KIAA1217: variants seen among roughly 807,000 people sequenced by gnomAD.
The protein encoded by KIAA1217 is sickle tail protein homolog.
In KIAA1217, 88 loss-of-function variants were observed where a neutral mutation model predicts 163.9. The observed-to-expected ratio is 0.54, with a 90% CI of 0.45 to 0.64. The LOEUF (loss-of-function observed/expected upper bound fraction) is 0.64, where lower values mean the gene tolerates loss of function less well. Ranked by LOEUF, KIAA1217 falls within the 30% of genes least tolerant of loss-of-function variation. The probability of loss-of-function intolerance (pLI) is 0.00; values close to 1 mark genes in which losing one functional copy is unlikely to be tolerated. For missense variants in KIAA1217, 2,372 were observed against 2,475.0 expected, an observed-to-expected ratio of 0.96 and a Z score of 0.88; for synonymous variants, 903 against 923.1, an observed-to-expected ratio of 0.98 and a Z score of 0.39.
intron 1 of KIAA1217, among the ~76,000 whole-genome samples, chr10:23,771,788 A>G (rs1834806620): frequency 6.6e-6 from 1 of 152,200 alleles, no homozygotes; most frequent in Non-Finnish European, 1.5e-5. Flanking sequence ...CTAGAAATCA[A>G]TCATATGCAA....
intron 5 of KIAA1217, among the ~76,000 whole-genome samples, chr10:24,467,831 T>C (rs1256109366): frequency 6.6e-6 from 1 of 151,896 alleles, no homozygotes; most frequent in African/African-American, 2.4e-5. Context: ...TGTGTGTGTG[T>C]GTGTGTGTTG....
At chr10:23,908,758 G>T (rs1461052832) in intron 1 of KIAA1217, among the ~76,000 whole-genome samples, 1 of 152,100 alleles carries the variant, frequency 6.6e-6, no homozygotes, top group African/African-American at 2.4e-5. Flanking sequence ...ATAGATGTTG[G>T]CATGCATGCG....
intron 6 of KIAA1217, among the ~76,000 whole-genome samples, chr10:24,480,334 C>A (rs2064519952): frequency 6.6e-6 from 1 of 152,242 alleles, no homozygotes. Flanking sequence ...ATTCTGCCCT[C>A]CTCCTCGTGA....
intron 1 of KIAA1217, among the ~76,000 whole-genome samples, chr10:23,855,934 A>C (rs1480118559): frequency 6.6e-6 from 1 of 152,134 alleles, no homozygotes; most frequent in Non-Finnish European, 1.5e-5. Context: ...CAAAGTTTTT[A>C]ACTTCTTTGC....
intron 2 of KIAA1217, among the ~76,000 whole-genome samples, chr10:24,278,056 G>A (rs575901928): frequency 1.6e-4 from 25 of 152,318 alleles, no homozygotes; most frequent in South Asian, 1.0e-3. Flanking sequence ...CGTCATGGGT[G>A]AGATGCTGTG....
At position 23,699,393 on chromosome 10, in the gene KIAA1217, C is replaced by T. The variant is rs193198802; in HGVS notation, c.-321+4159C>T. 4.6e-3 allele frequency among the ~76,000 whole-genome samples: 694 copies of T among 152,156 alleles called. 6 individuals are homozygous for T. The highest frequency in any genetic ancestry group is 0.014 in the African/African-American group (589 of 41,536). ...GATGAGGGAACTTGGGCCCAGAAAA[C>T]GTTCTGTAGTTTTCATGACACAGCC... On this transcript the variant is annotated intron_variant, in intron 1 of 18. Coordinates refer to the KIAA1217 transcript ENST00000376462.
intron 2 of KIAA1217, among the ~76,000 whole-genome samples, chr10:24,288,965 G>T (rs1263978086): frequency 1.3e-5 from 2 of 152,198 alleles, no homozygotes; most frequent in Non-Finnish European, 2.9e-5. Flanking sequence ...GCTGCTTCTA[G>T]ATGCCCTGCA....
chr10:24,090,941 C>T (rs1386078547), intron 2 of KIAA1217, among the ~76,000 whole-genome samples: 3 of 151,888 alleles, frequency 2.0e-5, no homozygotes, highest in Non-Finnish European at 4.4e-5. Flanking sequence ...AACTCACCAT[C>T]GGCAAAACTC....
chr10:24,385,379 G>A (rs993615512), intron 3 of KIAA1217, among the ~76,000 whole-genome samples: 5 of 152,328 alleles, frequency 3.3e-5, no homozygotes, highest in Non-Finnish European at 5.9e-5. Context: ...GTGGGGAACA[G>A]TAGCTGTGTT....
At chr10:23,726,805 T>G (rs950842513) in intron 1 of KIAA1217, among the ~76,000 whole-genome samples, 5 of 152,130 alleles carry the variant, frequency 3.3e-5, no homozygotes, top group African/African-American at 1.2e-4. Flanking sequence ...GCATGAGTTT[T>G]GCATTTTCTT....
At chr10:24,464,291 C>T (rs996171375) in intron 5 of KIAA1217, among the ~76,000 whole-genome samples, 1 of 152,170 alleles carries the variant, frequency 6.6e-6, no homozygotes, top group African/African-American at 2.4e-5. Flanking sequence ...CGAATCCATG[C>T]ATGCATGCTA....
intron 5 of KIAA1217, among the ~76,000 whole-genome samples, chr10:24,468,382 T>C (rs2063166924): frequency 6.6e-6 from 1 of 152,198 alleles, no homozygotes; most frequent in African/African-American, 2.4e-5. Flanking sequence ...GAGCCAAGGA[T>C]GAAATACATG....
intron 2 of KIAA1217, among the ~76,000 whole-genome samples, chr10:24,031,389 C>T (rs1256330838): frequency 2.0e-5 from 3 of 152,146 alleles, no homozygotes; most frequent in Non-Finnish European, 4.4e-5. Flanking sequence ...CAGCCTTGAC[C>T]TCCCAGGCTA....
intron 1 of KIAA1217, among the ~76,000 whole-genome samples, chr10:23,856,848 T>C (rs909710513): frequency 3.9e-5 from 6 of 152,242 alleles, no homozygotes; most frequent in Admixed American, 2.0e-4. Context: ...TGCGCCTTTT[T>C]TTAAGCCCAT....
At chr10:24,185,803 A>C (rs574497430) in intron 2 of KIAA1217, among the ~76,000 whole-genome samples, 1 of 152,136 alleles carries the variant, frequency 6.6e-6, no homozygotes, top group Admixed American at 6.5e-5. Context: ...CTCAAAAAAA[A>C]AAATTGCAAA....
At chr10:23,979,073 A>T (rs1845657549) in intron 1 of KIAA1217, among the ~76,000 whole-genome samples, 2 of 152,188 alleles carry the variant, frequency 1.3e-5, no homozygotes. Flanking sequence ...TGCAACTGAG[A>T]CTTACCTGTG....
intron 1 of KIAA1217, among the ~76,000 whole-genome samples, chr10:23,814,776 A>G (rs190397698): frequency 6.6e-6 from 1 of 152,014 alleles, no homozygotes; most frequent in Admixed American, 6.6e-5. Flanking sequence ...AGGGATATGC[A>G]TTGTTCTTTA....
intron 2 of KIAA1217, among the ~76,000 whole-genome samples, chr10:24,326,980 C>T (rs1048435365): frequency 6.6e-6 from 1 of 152,148 alleles, no homozygotes; most frequent in Non-Finnish European, 1.5e-5. Context: ...TTTGGTTATG[C>T]ATAACTTTTG....
chr10:24,219,746 C>T lies in KIAA1217; in HGVS notation c.191C>T (p.Pro64Leu). The change falls in exon 2 of 21, where the codon CCA becomes CTA. Residue 64 changes from proline to leucine, a missense_variant. By Grantham distance (98) the Pro-to-Leu change is moderately conservative (BLOSUM62 -3). Coordinates refer to ENST00000376454, the MANE Select transcript of KIAA1217 (RefSeq NM_019590.5). ...GSVSKSSRNI[P>L]RRHTLGGPRS... ...GTTTCCAAGTCTTCCCGCAATATCC[C>T]AAGGAGACACACCCTAGGGGGGCCC... 6.2e-7 allele frequency: 1 copy of T among 1,613,968 alleles called. No individual in the cohort carries two copies. Among genetic ancestry groups the T allele is most frequent in the South Asian group, 1.1e-5 (1 of 91,082 alleles).
Sources: allele counts gnomAD v4.1 joint callset (sites outside exome capture counted in the v4.1 genomes callset), GRCh38; gene constraint gnomAD v4.1.1; transcripts MANE v1.5; gene names NCBI Gene and HGNC (gene_info 2026-07-23, HGNC 2026-07-21).